HSPBP1: variants seen among roughly 807,000 people sequenced by gnomAD.
HSPBP1 encodes HSPA (Hsp70) binding protein 1.
Under a neutral mutation model 41.7 loss-of-function variants are expected in HSPBP1, and 31 were observed. The ratio of observed to expected loss-of-function variants is 0.74; its 90% CI spans 0.56 to 1.00. The LOEUF is 1.00. Among genes scored for constraint, HSPBP1 ranks in the 50% least tolerant of loss-of-function variants. The probability of loss-of-function intolerance (pLI) is 0.00; values close to 1 mark genes in which losing one functional copy is unlikely to be tolerated. For synonymous variants in HSPBP1, 199 were observed against 214.4 expected, an observed-to-expected ratio of 0.93 and a Z score of 0.63; for missense variants, 439 against 487.9, an observed-to-expected ratio of 0.90 and a Z score of 0.94.
chr19:55,265,205 T>G, intron 7 of HSPBP1, 73 bp downstream of exon 7: 3 of 490,836 alleles, frequency 6.1e-6, no homozygotes, highest in Non-Finnish European at 9.5e-6. Context: ...CCCACACACC[T>G]AGTCCTCCTG....
Position 55,274,445 on chromosome 19 carries a change from C to T in HSPBP1, c.593G>A (p.Arg198His), listed in dbSNP as rs546713376. 15 of 1,585,388 alleles carry T rather than the reference C, an allele frequency of 9.5e-6. No individual in the cohort carries two copies. The highest frequency in any genetic ancestry group is 5.2e-5 in the Admixed American group (3 of 57,320). ...GACGCGCACCGTGTCGCAGGCGTCG[C>T]GGTCCAGCAGCCGCAGCAGCTTACG... ...ALRKLLRLLDRDACDTVRVKA... is the reference protein window; with the variant it reads ...ALRKLLRLLDHDACDTVRVKA... The change falls in exon 4 of 8, where the codon CGC (arginine) becomes CAC (histidine). Residue 198 changes from arginine to histidine, a missense_variant. By Grantham distance (29) the Arg-to-His change is conservative. Coordinates refer to ENST00000433386, the MANE Select transcript of HSPBP1 (RefSeq NM_012267.5).
chr19:55,275,068 C>T (rs758811068), intron 3 of HSPBP1, among the ~76,000 whole-genome samples: 5 of 152,282 alleles, frequency 3.3e-5, no homozygotes, highest in Middle Eastern at 3.4e-3. Flanking sequence ...AGAGCCAGGC[C>T]GGCTCCCACA....
In HSPBP1 at chr19:55,279,526, C is replaced by CCGCCGCCGT; in HGVS notation, c.82_83insACGGCGGCG (p.Gly27_Gly28insAspGlyGly). Reference sequence around the variant, plus strand: ...CGAGCCCCCAGCCGAGGAGCCGCCGCCGCCGCCCCCTGAAGAGCAACCCTG... The same window carrying CCGCCGCCGT: ...CGAGCCCCCAGCCGAGGAGCCGCCGCCGCCGCCGTCGCCGCCCCCTGAAGAGCAACCCTG... On this transcript the variant is annotated inframe_insertion, in exon 2 of 8. Transcript: ENST00000433386. The CCGCCGCCGT allele has an allele frequency of 6.2e-7, 1 of 1,609,756 alleles. No individual in the cohort carries two copies. Among genetic ancestry groups the CCGCCGCCGT allele is most frequent in the South Asian group, 1.1e-5 (1 of 90,982 alleles).
intron 7 of HSPBP1, among the ~76,000 whole-genome samples, chr19:55,263,586 A>G (rs1467657777): frequency 6.6e-6 from 1 of 152,232 alleles, no homozygotes; most frequent in African/African-American, 2.4e-5. Flanking sequence ...CTGCATATCC[A>G]TGCTACAAAA....
chr19:55,277,542 G>T (rs1221504448), intron 3 of HSPBP1, 100 bp downstream of exon 3: 1 of 1,208,660 alleles, frequency 8.3e-7, no homozygotes, highest in East Asian at 2.5e-5. Flanking sequence ...GAAGGCAGCA[G>T]GGAGGCTGAC....
At chr19:55,263,385 A>G (rs1244599186) in intron 7 of HSPBP1, among the ~76,000 whole-genome samples, 1 of 152,218 alleles carries the variant, frequency 6.6e-6, no homozygotes, top group Non-Finnish European at 1.5e-5. Flanking sequence ...TGGAGTGTCA[A>G]TGGTTGAACT....
chr19:55,265,112 C>T (rs184027548), intron 7 of HSPBP1, among the ~76,000 whole-genome samples, 166 bp downstream of exon 7: 1 of 150,172 alleles, frequency 6.7e-6, no homozygotes, highest in Non-Finnish European at 1.5e-5. Flanking sequence ...CCTTGCACCC[C>T]GTCACCTCCC....
rs1169417709 is a variant in HSPBP1, at chr19:55,270,453, A to G, written c.640+3945T>C. ...AACGAGGCCCGGCTGACGGCTGACCACAACCTCATGCAACCTCATGCAACC... is the reference window on the plus strand; with the variant it reads ...AACGAGGCCCGGCTGACGGCTGACCGCAACCTCATGCAACCTCATGCAACC... On this transcript the variant is annotated intron_variant, in intron 4 of 7. Coordinates refer to ENST00000433386, the MANE Select transcript of HSPBP1 (RefSeq NM_012267.5). The surrounding 1 kb of genome is among the most constrained non-coding windows in gnomAD (Gnocchi z 5.4). Among the ~76,000 whole-genome samples, 2 of 152,018 alleles carry G rather than the reference A, an allele frequency of 1.3e-5. No individual in the cohort carries two copies. The highest frequency in any genetic ancestry group is 2.9e-5 in the Non-Finnish European group (2 of 67,928).
intron 7 of HSPBP1, among the ~76,000 whole-genome samples, chr19:55,264,257 A>T (rs533385197): frequency 6.6e-6 from 1 of 152,288 alleles, no homozygotes; most frequent in South Asian, 2.1e-4. Context: ...GTGAGCCACC[A>T]TGCCTGGCCA....
chr19:55,265,991 A>G lies in HSPBP1; in HGVS notation c.797-9T>C, dbSNP rs1475146961. ...CATGGAGCACAGGGTCCCTGGGGGG[A>G]GGGCTGCAGGGGTCAGAGGGGCAGC... On this transcript the variant is annotated splice_polypyrimidine_tract_variant and intron_variant, in intron 5 of 7. Coordinates refer to ENST00000433386, the MANE Select transcript of HSPBP1 (RefSeq NM_012267.5). 6.3e-7 allele frequency: 1 copy of G among 1,591,070 alleles called. No individual in the cohort carries two copies. The highest frequency in any genetic ancestry group is 1.8e-5 in the Admixed American group (1 of 56,146).
intron 4 of HSPBP1, 51 bp downstream of exon 4, chr19:55,274,347 A>ACCCCCCCCCCCCCCCCCCCCCCCCCTCCC (rs11427517): frequency 1.2e-5 from 4 of 328,040 alleles, no homozygotes; most frequent in South Asian, 3.5e-5. Flanking sequence ...CCCACCCGGC[A>ACCCCCCCCCCCCCCCCCCCCCCCCCTCCC]CCCCCCCCCA....
rs949084078 is a variant in HSPBP1, at chr19:55,272,057, G to A, written c.640+2341C>T. Reference sequence around the variant, plus strand: ...AGCCTGGGCCACAGAGCGAGACTCCGTCTCAAGAAACAAAAAAAGAAAAAA... The same window carrying A: ...AGCCTGGGCCACAGAGCGAGACTCCATCTCAAGAAACAAAAAAAGAAAAAA... On this transcript the variant is annotated intron_variant, in intron 4 of 7. Coordinates refer to ENST00000433386, the MANE Select transcript of HSPBP1 (RefSeq NM_012267.5). This position sits in a 1 kb window ranked among gnomAD's most constrained non-coding sequence, Gnocchi z 4.2. Among the ~76,000 whole-genome samples, 14 of 150,806 alleles carry A rather than the reference G, an allele frequency of 9.3e-5. No individual in the cohort carries two copies. Among genetic ancestry groups the A allele is most frequent in the South Asian group, 2.1e-4 (1 of 4,782 alleles).
At position 55,272,670 on chromosome 19, in the gene HSPBP1, G is replaced by A. The variant is rs909595064; in HGVS notation, c.640+1728C>T. ...AGCCTGGCCAACAGGGTGAAACCCC[G>A]TCTCTACTAAAAATACAAAAATTAG... On this transcript the variant is annotated intron_variant, in intron 4 of 7. Transcript: ENST00000433386. This position sits in a 1 kb window ranked among gnomAD's most constrained non-coding sequence, Gnocchi z 4.2. Among the ~76,000 whole-genome samples, 4 of 151,950 alleles carry A rather than the reference G, an allele frequency of 2.6e-5. No individual in the cohort carries two copies. Among genetic ancestry groups the A allele is most frequent in the South Asian group, 2.1e-4 (1 of 4,814 alleles).
intron 2 of HSPBP1, among the ~76,000 whole-genome samples, 187 bp from the exon 3 acceptor site, chr19:55,278,033 G>C (rs1773224946): frequency 6.6e-6 from 1 of 152,144 alleles, no homozygotes; most frequent in Admixed American, 6.5e-5. Context: ...GACTGCCTGA[G>C]CTCAGGAGTT....
chr19:55,277,513 G>A lies in HSPBP1; in HGVS notation c.415+129C>T. 4 of 934,676 alleles carry A rather than the reference G, an allele frequency of 4.3e-6. No individual in the cohort carries two copies. The South Asian group carries it at 6.1e-5, about 14-fold the overall frequency. The allele number at this position is 934,676 out of a possible 1,614,324, so 57.9% of individuals were successfully genotyped here. The stretch of plus-strand genomic sequence containing the variant: ...AGCCTTGCTCCTTATGGCAATGGAG[G>A]CGAACAGGCTGATGGTGAGAAGGCA... On this transcript the variant is annotated intron_variant, in intron 3 of 7. Transcript: ENST00000433386.
chr19:55,274,347 A>ACCCCC (rs11427517), intron 4 of HSPBP1, 51 bp downstream of exon 4: 30 of 328,022 alleles, frequency 9.1e-5, no homozygotes, highest in Admixed American at 1.8e-4. Context: ...CCCACCCGGC[A>ACCCCC]CCCCCCCCCA....
Position 55,279,861 on chromosome 19 carries a change from C to T in HSPBP1, c.-94-159G>A. 4.0e-6 allele frequency: 3 copies of T among 744,768 alleles called. No homozygotes were observed. The South Asian group carries it at 4.9e-5, about 12-fold the overall frequency. 46.1% of individuals were successfully genotyped at this position (744,768 alleles called of 1,614,324 possible). A position where few individuals can be genotyped will look rare whatever the true frequency, so the allele number is the denominator to read the frequency against. Reference sequence around the variant, plus strand: ...CTCTCCTTTCTCCCTAGCAACAGGCCCCACCCACTCTCCCTGGCAACAACC... The same window carrying T: ...CTCTCCTTTCTCCCTAGCAACAGGCTCCACCCACTCTCCCTGGCAACAACC... On this transcript the variant is annotated intron_variant, in intron 1 of 7. Coordinates refer to ENST00000433386, the MANE Select transcript of HSPBP1 (RefSeq NM_012267.5).
chr19:55,274,485 C>T lies in HSPBP1; in HGVS notation c.553G>A (p.Gly185Ser), dbSNP rs1324415309. 6.3e-7 allele frequency: 1 copy of T among 1,591,008 alleles called. No homozygotes were observed. The stretch of plus-strand genomic sequence containing the variant: ...AGCAGCTTACGCAGGGCACCCAGGC[C>T]CAGCACCTGCTCCTGGATGGCTGCC... ...NVAAIQEQVL[G>S]LGALRKLLRL... is the part of the protein sequence containing the mutation. Residue 185 changes from glycine to serine, a missense_variant, in exon 4 of 8, where the codon GGC (glycine) becomes AGC (serine). Coordinates refer to ENST00000433386, the MANE Select transcript of HSPBP1 (RefSeq NM_012267.5).
At chr19:55,264,538 G>A (rs1417384331) in intron 7 of HSPBP1, among the ~76,000 whole-genome samples, 5 of 151,990 alleles carry the variant, frequency 3.3e-5, no homozygotes, top group Admixed American at 6.6e-5. Context: ...CTGATGACTT[G>A]TTATTTATCA....
Sources: gnomAD v4.1 joint callset for allele counts (sites outside exome capture counted in the v4.1 genomes callset) on GRCh38, gnomAD v4.1.1 for gene constraint, Gnocchi (gnomAD v3.1) non-coding constraint, MANE v1.5 for transcripts, NCBI Gene and HGNC (gene_info 2026-07-23, HGNC 2026-07-21) for gene names.